Variants in MAP7D2 observed in about 807,000 individuals in gnomAD.
MAP7D2 encodes MAP7 domain containing 2, also known as MAP7 domain-containing protein 2.
MAP7D2 carries 33 observed loss-of-function variants against 63.5 expected under a neutral mutation model. The observed-to-expected ratio is 0.52, with a 90% CI of 0.39 to 0.70. The LOEUF (loss-of-function observed/expected upper bound fraction) is 0.70, where lower values mean the gene tolerates loss of function less well. Among genes scored for constraint, MAP7D2 ranks in the 30% least tolerant of loss-of-function variants. The pLI is 0.00. For missense variants in MAP7D2, 626 were observed against 604.0 expected, an observed-to-expected ratio of 1.04 and a Z score of -0.38; for synonymous variants, 224 against 223.7, an observed-to-expected ratio of 1.00 and a Z score of -0.01.
chrX:20,085,206 C>A (rs1411219729), intron 1 of MAP7D2, among the ~76,000 whole-genome samples: 3 of 111,946 alleles, frequency 2.7e-5, no homozygotes, highest in Non-Finnish European at 5.6e-5. Flanking sequence ...GAAAACAATT[C>A]ATATTGAGTC....
chrX:20,043,771 CTAAA>C (rs1211007096), intron 7 of MAP7D2, among the ~76,000 whole-genome samples: 20 of 112,228 alleles, frequency 1.8e-4, no homozygotes, highest in Admixed American at 2.8e-4. Context: ...TGTGTAATTT[CTAAA>C]TAAATAGACA....
chrX:20,067,676 G>A (rs1193850468), intron 1 of MAP7D2, among the ~76,000 whole-genome samples: 1 of 111,626 alleles, frequency 9.0e-6, no homozygotes. Context: ...CACATCTGGC[G>A]GAAAGGACCC....
At chrX:20,063,607 A>G (rs770497137) in intron 2 of MAP7D2, 30 bp from the exon 3 acceptor site, 1 of 1,198,418 alleles carries the variant, frequency 8.3e-7, no homozygotes, top group Non-Finnish European at 1.1e-6. Context: ...GAGAGGTGTC[A>G]TTACCAGAGC....
rs746215380 is a variant in MAP7D2, at chrX:20,057,650, C to T, written c.373-859G>A. 8.0e-5 allele frequency among the ~76,000 whole-genome samples: 9 copies of T among 112,197 alleles called. No homozygotes were observed. The South Asian group carries it at 3.3e-3, about 41-fold the overall frequency. ...ACACTGCAAATACCAACTCCTCTCC[C>T]TATCTCCACTGGAGAAGGCCTGAGC... On this transcript the variant is annotated intron_variant, in intron 3 of 16. Coordinates refer to ENST00000379643, the MANE Select transcript of MAP7D2 (RefSeq NM_001168465.2).
intron 1 of MAP7D2, among the ~76,000 whole-genome samples, chrX:20,093,613 C>T (rs948539225): frequency 9.1e-6 from 1 of 110,308 alleles, no homozygotes; most frequent in Non-Finnish European, 1.9e-5. Context: ...GCCATGATCG[C>T]GCCACTGCAC....
chrX:20,018,504 G>A (rs2073504070), intron 10 of MAP7D2, among the ~76,000 whole-genome samples: 1 of 97,199 alleles, frequency 1.0e-5, no homozygotes, highest in Non-Finnish European at 2.0e-5. Context: ...GTACAGTGGT[G>A]TGATCTTGGC....
At chrX:20,066,355 A>G (rs2065362823) in intron 1 of MAP7D2, among the ~76,000 whole-genome samples, 1 of 111,693 alleles carries the variant, frequency 9.0e-6, no homozygotes, top group Non-Finnish European at 1.9e-5. Flanking sequence ...TCCAGGAGGG[A>G]GGCCTGAAGG....
intron 1 of MAP7D2, among the ~76,000 whole-genome samples, chrX:20,096,692 T>C (rs1460537751): frequency 1.8e-5 from 2 of 110,915 alleles, no homozygotes. Context: ...TGAAAACAGA[T>C]AGTGATAATG....
At chrX:20,093,302 C>A (rs763234520) in intron 1 of MAP7D2, among the ~76,000 whole-genome samples, 7 of 110,865 alleles carry the variant, frequency 6.3e-5, no homozygotes, top group Non-Finnish European at 7.6e-5. Flanking sequence ...GGGGAAAAGA[C>A]AAAAATGGAA....
At chrX:20,040,968 C>A (rs752388637) in intron 8 of MAP7D2, among the ~76,000 whole-genome samples, 60 of 111,371 alleles carry the variant, frequency 5.4e-4, no homozygotes, top group African/African-American at 1.9e-3. Context: ...CCAGTATTTG[C>A]GAAGTGCAAA....
chrX:20,013,753 A>G, intron 12 of MAP7D2, 128 bp from the exon 13 acceptor site: 1 of 468,603 alleles, frequency 2.1e-6, no homozygotes, highest in Non-Finnish European at 3.6e-6. Context: ...TCAGAAGAGG[A>G]TAACAAGTAT....
rs1427853312 is a variant in MAP7D2, at chrX:20,094,530, A to G, written c.130+22220T>C. Among the ~76,000 whole-genome samples, 70 of 16,298 alleles carry G rather than the reference A, an allele frequency of 4.3e-3. 9 individuals are homozygous for G. Among genetic ancestry groups the G allele is most frequent in the African/African-American group, 0.013 (28 of 2,196 alleles). 14.2% of individuals were successfully genotyped at this position (16,298 alleles called of 115,157 possible). A position where few individuals can be genotyped will look rare whatever the true frequency, so the allele number is the denominator to read the frequency against. ...TATATATATATGTATATATATATAT[A>G]TATATATATATGTATATATATATAT... On this transcript the variant is annotated intron_variant, in intron 1 of 16. Coordinates refer to ENST00000379643, the MANE Select transcript of MAP7D2 (RefSeq NM_001168465.2).
At chrX:20,036,240 C>A (rs917912685) in intron 8 of MAP7D2, among the ~76,000 whole-genome samples, 4 of 109,954 alleles carry the variant, frequency 3.6e-5, no homozygotes, top group Admixed American at 1.9e-4. Context: ...CTGTGACAGG[C>A]AATTTATTTT....
chrX:20,073,987 T>C (rs1270594312), intron 1 of MAP7D2, among the ~76,000 whole-genome samples: 2 of 107,632 alleles, frequency 1.9e-5, no homozygotes, highest in Middle Eastern at 4.7e-3. Flanking sequence ...ATAGAAAAAT[T>C]AGCCGGGCAT....
At position 20,010,937 on chromosome X, in the gene MAP7D2, G is replaced by T. The variant is rs1363234890; in HGVS notation, c.2188C>A (p.Leu730Ile). 2.5e-6 allele frequency: 3 copies of T among 1,211,328 alleles called. No individual in the cohort carries two copies. Among genetic ancestry groups the T allele is most frequent in the East Asian group, 3.0e-5 (1 of 33,836 alleles). ...GTCGGGGGACCAGTGAAATCTAAGA[G>T]ATCTTGAAGTGCTCGGGCATTACCA... ...GTGNARALQD[L>I]LDFTGPPTFP... The change falls in exon 16 of 17, where the codon CTC becomes ATC. Residue 730 changes from leucine to isoleucine, a missense_variant. Coordinates refer to ENST00000379643, the MANE Select transcript of MAP7D2 (RefSeq NM_001168465.2).
intron 1 of MAP7D2, among the ~76,000 whole-genome samples, chrX:20,089,344 T>C (rs1432772586): frequency 8.9e-6 from 1 of 112,326 alleles, no homozygotes; most frequent in Non-Finnish European, 1.9e-5. Context: ...TATCACACTG[T>C]CTTGATTATA....
At chrX:20,074,282 G>C (rs1216505716) in intron 1 of MAP7D2, among the ~76,000 whole-genome samples, 1 of 111,290 alleles carries the variant, frequency 9.0e-6, no homozygotes, top group Admixed American at 9.6e-5. Flanking sequence ...TCTCCTGGGA[G>C]AGAGGAGGTG....
intron 8 of MAP7D2, among the ~76,000 whole-genome samples, chrX:20,032,735 T>C (rs2148224288): frequency 8.9e-6 from 1 of 112,046 alleles, no homozygotes; most frequent in Admixed American, 9.5e-5. Context: ...TCCCACAAGA[T>C]CTTATCTTTT....
In MAP7D2 at chrX:20,011,056, G is replaced by T; in HGVS notation, c.2073-4C>A. The T allele has an allele frequency of 8.3e-7, 1 of 1,205,673 alleles. No homozygotes were observed. The highest frequency in any genetic ancestry group is 1.1e-6 in the Non-Finnish European group (1 of 890,952). ...AAGCTCTTCTTTTGAAACAGGACTA[G>T]AAGAGATGAACGAGAGGGAGAGAGG... On this transcript the variant is annotated splice_region_variant and splice_polypyrimidine_tract_variant and intron_variant, in intron 15 of 16. Transcript: ENST00000379643.
Sources: gnomAD v4.1 joint callset for allele counts (sites outside exome capture counted in the v4.1 genomes callset) on GRCh38, gnomAD v4.1.1 for gene constraint, MANE v1.5 for transcripts, NCBI Gene and HGNC (gene_info 2026-07-23, HGNC 2026-07-21) for gene names.